The following C3orf70 variants were observed in gnomAD, a reference collection of about 807,000 sequenced individuals.
C3orf70 encodes UPF0524 protein C3orf70.
C3orf70 carries 15 observed loss-of-function variants against 20.7 expected under a neutral mutation model. That is an observed-to-expected ratio of 0.72 (90% confidence interval 0.48 to 1.11). C3orf70 has a LOEUF of 1.11. Ranked by LOEUF, C3orf70 falls within the 50% of genes most tolerant of loss-of-function variation. The pLI is 0.00. For synonymous variants in C3orf70, 161 were observed against 125.7 expected, an observed-to-expected ratio of 1.28 and a Z score of -1.88; for missense variants, 332 against 317.6, an observed-to-expected ratio of 1.05 and a Z score of -0.34.
At position 185,139,780 on chromosome 3, in the gene C3orf70, C is replaced by A. The variant is rs115937519; in HGVS notation, c.196+12848G>T. Among the ~76,000 whole-genome samples the A allele has an allele frequency of 6.0e-3, 909 of 151,970 alleles. 11 individuals carry two copies. Among genetic ancestry groups the A allele is most frequent in the African/African-American group, 0.021 (869 of 41,418 alleles). ...GCTGGAGCAACTGGACATCCATAGG[C>A]AAAGAAGTGAATTGTGATCTAAGCC... On this transcript the variant is annotated intron_variant, in intron 1 of 1. Coordinates refer to ENST00000335012, the MANE Select transcript of C3orf70 (RefSeq NM_001025266.3).
chr3:185,137,033 G>T (rs1716642647), intron 1 of C3orf70, among the ~76,000 whole-genome samples: 1 of 152,326 alleles, frequency 6.6e-6, no homozygotes, highest in East Asian at 1.9e-4. Context: ...TGGTTTGGTT[G>T]TGTCCCCACC....
intron 1 of C3orf70, among the ~76,000 whole-genome samples, chr3:185,090,395 T>C (rs1013368073): frequency 5.9e-5 from 9 of 152,212 alleles, no homozygotes; most frequent in African/African-American, 2.2e-4. Context: ...AAAAGCTCCT[T>C]TGGGGGGAAA....
chr3:185,119,402 C>T (rs757787534), intron 1 of C3orf70, among the ~76,000 whole-genome samples: 2 of 152,078 alleles, frequency 1.3e-5, no homozygotes, highest in African/African-American at 4.8e-5. Flanking sequence ...CCTGTAATCC[C>T]GGCATTTTGG....
In C3orf70 at chr3:185,099,962, C is replaced by G. The variant is rs556357379; in HGVS notation, c.197-16399G>C. ...AACCAACACAGATTTTTAAAAAGGG[C>G]ATTACATAATGGTAAAGGATTCAAT... On this transcript the variant is annotated intron_variant, in intron 1 of 1. Coordinates refer to ENST00000335012, the MANE Select transcript of C3orf70 (RefSeq NM_001025266.3). Among the ~76,000 whole-genome samples, 7 of 152,214 alleles carry G rather than the reference C, an allele frequency of 4.6e-5. No homozygotes were observed. In the East Asian group the frequency reaches 1.4e-3, roughly 29 times the overall value.
At chr3:185,095,109 C>T (rs1715675019) in intron 1 of C3orf70, among the ~76,000 whole-genome samples, 1 of 152,150 alleles carries the variant, frequency 6.6e-6, no homozygotes, top group Admixed American at 6.5e-5. Flanking sequence ...TTCTTAATGT[C>T]TTTCATTTTC....
chr3:185,097,285 C>A (rs1391542333), intron 1 of C3orf70, among the ~76,000 whole-genome samples: 1 of 152,096 alleles, frequency 6.6e-6, no homozygotes, highest in Non-Finnish European at 1.5e-5. Flanking sequence ...ATGTTTATAA[C>A]TGGACATATT....
intron 1 of C3orf70, among the ~76,000 whole-genome samples, chr3:185,126,817 G>A (rs886849275): frequency 2.6e-5 from 4 of 152,138 alleles, no homozygotes; most frequent in African/African-American, 9.7e-5. Context: ...TCGCACAGTT[G>A]TATGGCCACA....
At chr3:185,132,677 AGAC>A (rs946814003) in intron 1 of C3orf70, among the ~76,000 whole-genome samples, 12 of 152,240 alleles carry the variant, frequency 7.9e-5, no homozygotes, top group African/African-American at 2.9e-4. Context: ...CAGAAGAAGA[AGAC>A]AATGAGAATG....
At chr3:185,112,088 C>T (rs1398309288) in intron 1 of C3orf70, among the ~76,000 whole-genome samples, 4 of 151,942 alleles carry the variant, frequency 2.6e-5, no homozygotes, top group African/African-American at 7.3e-5. Flanking sequence ...GTCAGGAGTT[C>T]GAGATCAGCC....
intron 1 of C3orf70, among the ~76,000 whole-genome samples, chr3:185,102,845 C>T (rs1329852556): frequency 6.6e-6 from 1 of 152,206 alleles, no homozygotes; most frequent in East Asian, 1.9e-4. Flanking sequence ...AGATAACTGG[C>T]TACCCATATG....
intron 1 of C3orf70, among the ~76,000 whole-genome samples, chr3:185,083,888 AG>A (rs1435014321): frequency 1.3e-5 from 2 of 152,342 alleles, no homozygotes; most frequent in East Asian, 3.9e-4. Flanking sequence ...AGAACAAAAA[AG>A]GTCCACAATA....
intron 1 of C3orf70, among the ~76,000 whole-genome samples, chr3:185,104,526 A>G (rs1243278582): frequency 3.3e-5 from 5 of 152,202 alleles, no homozygotes; most frequent in Non-Finnish European, 7.3e-5. Flanking sequence ...ACATGCATGC[A>G]TATGTTCACT....
At chr3:185,137,534 G>A (rs1413081292) in intron 1 of C3orf70, among the ~76,000 whole-genome samples, 1 of 152,046 alleles carries the variant, frequency 6.6e-6, no homozygotes, top group Non-Finnish European at 1.5e-5. Flanking sequence ...CCCATATCCT[G>A]GGCCATAAAA....
At chr3:185,133,905 AT>A (rs960773124) in intron 1 of C3orf70, among the ~76,000 whole-genome samples, 53 of 152,262 alleles carry the variant, frequency 3.5e-4, no homozygotes, top group Admixed American at 6.5e-4. Context: ...TCTGGGCAAC[AT>A]GGTGAAATCC....
At chr3:185,098,921 C>T (rs1577321425) in intron 1 of C3orf70, among the ~76,000 whole-genome samples, 1 of 152,156 alleles carries the variant, frequency 6.6e-6, no homozygotes. Flanking sequence ...CCAGGGTCTC[C>T]GGCCTGTCTG....
chr3:185,136,413 C>A (rs950347592), intron 1 of C3orf70, among the ~76,000 whole-genome samples: 1 of 151,938 alleles, frequency 6.6e-6, no homozygotes, highest in African/African-American at 2.4e-5. Context: ...AATGGAGAAA[C>A]CCTGTCTCTA....
At chr3:185,099,829 A>C (rs1393673664) in intron 1 of C3orf70, among the ~76,000 whole-genome samples, 1 of 152,216 alleles carries the variant, frequency 6.6e-6, no homozygotes, top group Non-Finnish European at 1.5e-5. Context: ...TCTCACATGC[A>C]ATGACACCTA....
chr3:185,140,098 C>T (rs908795751), intron 1 of C3orf70, among the ~76,000 whole-genome samples: 1 of 152,228 alleles, frequency 6.6e-6, no homozygotes, highest in African/African-American at 2.4e-5. Context: ...TCAAGTCCCA[C>T]AGTTGGCCCT....
chr3:185,135,554 A>G (rs9841506), intron 1 of C3orf70, among the ~76,000 whole-genome samples: 124,606 of 152,222 alleles, frequency 0.82, 51,093 homozygotes, highest in Non-Finnish European at 0.84. Context: ...ACATTAGACA[A>G]AAGGGATAAT....
Sources: gnomAD v4.1 joint callset for allele counts (sites outside exome capture counted in the v4.1 genomes callset) on GRCh38, gnomAD v4.1.1 for gene constraint, MANE v1.5 for transcripts, NCBI Gene and HGNC (gene_info 2026-07-23, HGNC 2026-07-21) for gene names.